Variants in ATP10A observed in about 807,000 individuals in gnomAD.
ATP10A encodes the protein phospholipid-transporting ATPase VA.
ATP10A carries 111 observed loss-of-function variants against 147.8 expected under a neutral mutation model. The ratio of observed to expected loss-of-function variants is 0.75; its 90% CI spans 0.64 to 0.88. The LOEUF is 0.88. ATP10A is among the 40% of genes least tolerant of loss of function. The probability of loss-of-function intolerance (pLI) is 0.00; values close to 1 mark genes in which losing one functional copy is unlikely to be tolerated. For synonymous variants in ATP10A, 875 were observed against 841.6 expected (o/e 1.04, Z -0.69); for missense variants, 1,927 against 1,959.0 (o/e 0.98, Z 0.31).
intron 3 of ATP10A, among the ~76,000 whole-genome samples, chr15:25,727,560 C>T (rs887574275): frequency 6.6e-6 from 1 of 152,182 alleles, no homozygotes; most frequent in African/African-American, 2.4e-5. Context: ...CTGATCACCA[C>T]TAGGAAGGGC....
In ATP10A at chr15:25,758,805, CCTAA is replaced by C. The variant is rs368382337; in HGVS notation, c.654+22210_654+22213del. On this transcript the variant is annotated intron_variant, in intron 2 of 20. Coordinates refer to ENST00000555815, the MANE Select transcript of ATP10A (RefSeq NM_024490.4). Reference sequence around the variant, plus strand: ...AACTCATTCCGACCACCTGCTCCACCCTAACTCATTCCGACCACCTGCTCCACCC... The same window carrying C: ...AACTCATTCCGACCACCTGCTCCACCCTCATTCCGACCACCTGCTCCACCC... Among the ~76,000 whole-genome samples, 547 of 117,184 alleles carry C rather than the reference CCTAA, an allele frequency of 4.7e-3. 1 individual carries two copies. The highest frequency in any genetic ancestry group is 0.016 in the Middle Eastern group (3 of 190). 76.9% of individuals were successfully genotyped at this position (117,184 alleles called of 152,430 possible). A position where few individuals can be genotyped will look rare whatever the true frequency, so the allele number is the denominator to read the frequency against.
chr15:25,816,082 A>G (rs1891642971), intron 1 of ATP10A, among the ~76,000 whole-genome samples: 2 of 151,228 alleles, frequency 1.3e-5, no homozygotes, highest in South Asian at 4.2e-4. Flanking sequence ...TATTTTTTAA[A>G]GTGAGATATA....
chr15:25,768,208 G>T (rs1406493140), intron 2 of ATP10A, among the ~76,000 whole-genome samples: 1 of 152,234 alleles, frequency 6.6e-6, no homozygotes, highest in African/African-American at 2.4e-5. Flanking sequence ...GCGATGGAGG[G>T]AGGGTCAGTG....
chr15:25,846,720 A>T lies in ATP10A; in HGVS notation c.449+15928T>A, dbSNP rs541165374. On this transcript the variant is annotated intron_variant, in intron 1 of 20. Coordinates refer to ENST00000555815, the MANE Select transcript of ATP10A (RefSeq NM_024490.4). ...GATCTAAAATGACATCACAACATAA[A>T]GCTCCTGGAAGATGTTCTGGGTAGT... Among the ~76,000 whole-genome samples the T allele has an allele frequency of 3.9e-5, 6 of 152,336 alleles. No individual in the cohort carries two copies. The South Asian group carries it at 1.2e-3, about 32-fold the overall frequency.
chr15:25,737,974 T>C (rs997256519), intron 2 of ATP10A, among the ~76,000 whole-genome samples: 1 of 152,050 alleles, frequency 6.6e-6, no homozygotes, highest in African/African-American at 2.4e-5. Context: ...AAAATAAACT[T>C]CCGTTGCTTA....
rs768415168 is a variant in ATP10A at position 25,695,932 on chromosome 15, G to GA, written c.2761-787dup. Reference sequence around the variant, plus strand: ...AAGTTCTCCAATTCTGCCAGGAAAAGAAAAAAAAAAAAGCACAATTACGGA... The same window carrying GA: ...AAGTTCTCCAATTCTGCCAGGAAAAGAAAAAAAAAAAAAGCACAATTACGGA... On this transcript the variant is annotated intron_variant, in intron 13 of 20. Transcript: ENST00000555815. Among the ~76,000 whole-genome samples, 154 of 135,924 alleles carry GA rather than the reference G, an allele frequency of 1.1e-3. 1 individual carries two copies. The highest frequency in any genetic ancestry group is 3.7e-3 in the Middle Eastern group (1 of 270). 89.2% of individuals were successfully genotyped at this position (135,924 alleles called of 152,430 possible).
At chr15:25,690,232 CT>C (rs67257443) in intron 15 of ATP10A, among the ~76,000 whole-genome samples, 70,372 of 137,014 alleles carry the variant, frequency 0.51, 19,642 homozygotes, top group Non-Finnish European at 0.64. Flanking sequence ...ATTTTTTTTC[CT>C]TTTTTTTAAA....
intron 3 of ATP10A, among the ~76,000 whole-genome samples, chr15:25,728,795 G>A (rs760471419): frequency 1.8e-4 from 27 of 152,190 alleles, no homozygotes; most frequent in African/African-American, 7.2e-5. Context: ...CAAGCCAGAC[G>A]GCAACTTGGC....
chr15:25,788,361 G>C (rs142502797), intron 1 of ATP10A, among the ~76,000 whole-genome samples: 3 of 152,198 alleles, frequency 2.0e-5, no homozygotes, highest in Admixed American at 6.5e-5. Context: ...CTGAGTGCCC[G>C]AGTTCCTGAT....
At chr15:25,735,835 G>A (rs1282165969) in intron 3 of ATP10A, among the ~76,000 whole-genome samples, 1 of 152,182 alleles carries the variant, frequency 6.6e-6, no homozygotes. Flanking sequence ...ACAGATGGTA[G>A]TGGCAAGCTT....
At chr15:25,799,379 T>C (rs1749389688) in intron 1 of ATP10A, among the ~76,000 whole-genome samples, 1 of 152,302 alleles carries the variant, frequency 6.6e-6, no homozygotes, top group Middle Eastern at 3.4e-3. Context: ...GGTGCTCAAA[T>C]GTAGCTTCTG....
chr15:25,731,699 T>C (rs1217462751), intron 3 of ATP10A, among the ~76,000 whole-genome samples: 3 of 152,118 alleles, frequency 2.0e-5, no homozygotes, highest in African/African-American at 7.2e-5. Context: ...AGATCCTAAC[T>C]CTGAAGATTT....
chr15:25,723,807 T>C, intron 6 of ATP10A, 84 bp downstream of exon 6: 2 of 1,241,972 alleles, frequency 1.6e-6, no homozygotes, highest in South Asian at 4.3e-5. Flanking sequence ...GCAGAATTTA[T>C]AGGAAATTCT....
chr15:25,783,440 C>T (rs1476544140), intron 1 of ATP10A, among the ~76,000 whole-genome samples: 1 of 150,462 alleles, frequency 6.6e-6, no homozygotes, highest in Non-Finnish European at 1.5e-5. Flanking sequence ...CGCCAATTTT[C>T]TCTCTTCTAT....
chr15:25,717,786 G>A (rs1901913808), intron 8 of ATP10A, among the ~76,000 whole-genome samples: 1 of 152,214 alleles, frequency 6.6e-6, no homozygotes, highest in Non-Finnish European at 1.5e-5. Context: ...TGTCTGGGCG[G>A]CTGACAAGGC....
At chr15:25,830,329 G>C (rs549194899) in intron 1 of ATP10A, among the ~76,000 whole-genome samples, 270 of 152,270 alleles carry the variant, frequency 1.8e-3, no homozygotes, top group Non-Finnish European at 2.9e-3. Context: ...GTCACTGAAA[G>C]GGGTGGAAGT....
Position 25,714,059 on chromosome 15 carries a change from C to G in ATP10A, c.1959G>C (p.Arg653Ser), listed in dbSNP as rs770295819. The G allele has an allele frequency of 6.2e-7, 1 of 1,612,688 alleles. No individual in the cohort carries two copies. Among genetic ancestry groups the G allele is most frequent in the South Asian group, 1.1e-5 (1 of 91,090 alleles). ...STPSSDGMLL[R>S]LEERLGQPTS... Reference sequence around the variant, plus strand: ...TGGGCTGGCCCAGCCTCTCCTCCAGCCTGAGAAGCATGCCGTCGCTGGACG... The same window carrying G: ...TGGGCTGGCCCAGCCTCTCCTCCAGGCTGAGAAGCATGCCGTCGCTGGACG... The change falls in exon 10 of 21, where the codon AGG becomes AGC. Residue 653 changes from arginine (R) to serine (S), a missense_variant. By Grantham distance (110) the Arg-to-Ser change is moderately radical. Coordinates refer to ENST00000555815, the MANE Select transcript of ATP10A (RefSeq NM_024490.4).
chr15:25,756,501 G>A (rs1394769017), intron 2 of ATP10A, among the ~76,000 whole-genome samples: 2 of 152,232 alleles, frequency 1.3e-5, no homozygotes, highest in African/African-American at 2.4e-5. Context: ...AAATTAGCTG[G>A]GTGTGGTGGC....
chr15:25,711,681 A>G (rs901221151), intron 10 of ATP10A, among the ~76,000 whole-genome samples: 3 of 152,090 alleles, frequency 2.0e-5, no homozygotes, highest in Non-Finnish European at 4.4e-5. Flanking sequence ...ATAAGGTGAG[A>G]GTTGAGACAA....
Sources: allele counts gnomAD v4.1 joint callset (sites outside exome capture counted in the v4.1 genomes callset), GRCh38; gene constraint gnomAD v4.1.1; transcripts MANE v1.5; gene names NCBI Gene and HGNC (gene_info 2026-07-23, HGNC 2026-07-21).